CHCHD6: variants seen among roughly 807,000 people sequenced by gnomAD.
CHCHD6 encodes the protein coiled-coil-helix-coiled-coil-helix domain containing 6, also known as MICOS complex subunit MIC25.
Under a neutral mutation model 32.3 loss-of-function variants are expected in CHCHD6, and 28 were observed. The ratio of observed to expected loss-of-function variants is 0.87; its 90% CI spans 0.64 to 1.19. The LOEUF (loss-of-function observed/expected upper bound fraction) is 1.19, where lower values mean the gene tolerates loss of function less well. Ranked by LOEUF, CHCHD6 falls within the 50% of genes most tolerant of loss-of-function variation. The pLI, the probability that CHCHD6 is intolerant of heterozygous loss-of-function variation, is 0.00. For missense variants in CHCHD6, 333 were observed against 307.0 expected (o/e 1.08, Z -0.63); for synonymous variants, 122 against 117.5 (o/e 1.04, Z -0.25).
intron 4 of CHCHD6, among the ~76,000 whole-genome samples, chr3:126,769,836 G>A (rs1348045478): frequency 2.0e-5 from 3 of 152,138 alleles, no homozygotes; most frequent in Non-Finnish European, 4.4e-5. Flanking sequence ...AATTCAATAT[G>A]AATTTTAAAA....
At chr3:126,711,716 G>A (rs1024660673) in intron 1 of CHCHD6, among the ~76,000 whole-genome samples, 3 of 152,326 alleles carry the variant, frequency 2.0e-5, no homozygotes, top group East Asian at 3.9e-4. Flanking sequence ...GTTATAGATC[G>A]TCTCTGGTCT....
intron 4 of CHCHD6, among the ~76,000 whole-genome samples, chr3:126,778,653 G>A (rs980658489): frequency 6.6e-6 from 1 of 152,100 alleles, no homozygotes; most frequent in Non-Finnish European, 1.5e-5. Flanking sequence ...TTTTTGATAT[G>A]TTCTGGATAG....
At chr3:126,754,039 C>A (rs905980758) in intron 4 of CHCHD6, among the ~76,000 whole-genome samples, 1 of 152,196 alleles carries the variant, frequency 6.6e-6, no homozygotes, top group Non-Finnish European at 1.5e-5. Context: ...CATTGACATC[C>A]CTGTTACCCT....
intron 4 of CHCHD6, among the ~76,000 whole-genome samples, chr3:126,825,341 T>G (rs951258226): frequency 2.0e-5 from 3 of 152,234 alleles, no homozygotes; most frequent in African/African-American, 7.2e-5. Flanking sequence ...GTATATGCTC[T>G]GTTCTGGAAA....
At chr3:126,945,719 G>C (rs1261005902) in intron 6 of CHCHD6, among the ~76,000 whole-genome samples, 1 of 143,066 alleles carries the variant, frequency 7.0e-6, no homozygotes, top group East Asian at 2.1e-4. Flanking sequence ...GGGGAGACTC[G>C]AGTAGGGAGA....
chr3:126,828,817 C>T (rs1275675017), intron 4 of CHCHD6, among the ~76,000 whole-genome samples: 1 of 152,220 alleles, frequency 6.6e-6, no homozygotes, highest in Non-Finnish European at 1.5e-5. Context: ...CTATTTGTAC[C>T]ACTCGGTAAT....
intron 5 of CHCHD6, among the ~76,000 whole-genome samples, chr3:126,869,643 T>G (rs1362598320): frequency 6.6e-6 from 1 of 152,136 alleles, no homozygotes; most frequent in Non-Finnish European, 1.5e-5. Flanking sequence ...TCTAATTAAT[T>G]TTTAGGACTT....
intron 1 of CHCHD6, among the ~76,000 whole-genome samples, chr3:126,721,839 G>A (rs1193037114): frequency 2.6e-5 from 4 of 151,836 alleles, no homozygotes; most frequent in Non-Finnish European, 4.4e-5. Context: ...TGTGGAATAC[G>A]CCACACAGTG....
chr3:126,743,885 C>A (rs1239495601), intron 4 of CHCHD6, among the ~76,000 whole-genome samples: 1 of 152,208 alleles, frequency 6.6e-6, no homozygotes, highest in African/African-American at 2.4e-5. Flanking sequence ...GAACCTAATA[C>A]TGTAGGGAAA....
At chr3:126,838,714 C>A (rs1169932771) in intron 4 of CHCHD6, among the ~76,000 whole-genome samples, 1 of 152,096 alleles carries the variant, frequency 6.6e-6, no homozygotes, top group Non-Finnish European at 1.5e-5. Context: ...TCACAGCAAA[C>A]CCTTATGGCA....
chr3:126,706,721 G>C (rs1934504734), intron 1 of CHCHD6, among the ~76,000 whole-genome samples: 1 of 152,102 alleles, frequency 6.6e-6, no homozygotes, highest in African/African-American at 2.4e-5. Context: ...GGATGTTTTG[G>C]TGTAGAGGCT....
chr3:126,813,128 ATCTT>A, intron 4 of CHCHD6, among the ~76,000 whole-genome samples: 1 of 152,300 alleles, frequency 6.6e-6, no homozygotes, highest in South Asian at 2.1e-4. Context: ...AGGTCAATAA[ATCTT>A]AAAATTTTCA....
intron 4 of CHCHD6, among the ~76,000 whole-genome samples, chr3:126,842,189 G>C (rs1428652272): frequency 6.6e-6 from 1 of 152,170 alleles, no homozygotes; most frequent in Non-Finnish European, 1.5e-5. Flanking sequence ...AGGAGATCAA[G>C]GTCACGTCAC....
chr3:126,933,138 C>T (rs913071990), intron 6 of CHCHD6, among the ~76,000 whole-genome samples: 2 of 152,152 alleles, frequency 1.3e-5, no homozygotes, highest in African/African-American at 4.8e-5. Context: ...ATAGTTGGAC[C>T]ACAGAGTCTC....
At chr3:126,871,503 CCT>C (rs1357785666) in intron 5 of CHCHD6, among the ~76,000 whole-genome samples, 5 of 152,040 alleles carry the variant, frequency 3.3e-5, no homozygotes, top group Admixed American at 6.5e-5. Flanking sequence ...ATAGAAATCA[CCT>C]CTGTTCATCA....
rs1031316011 is a variant in CHCHD6 at position 126,746,106 on chromosome 3, T to C, written c.411+12884T>C. ...GGTATTGCTGAGGAGAGTAGAGGTA[T>C]GTGGCAAAGCCTTTTGCATGACACG... is the stretch of plus-strand genomic sequence containing the variant. On this transcript the variant is annotated intron_variant, in intron 4 of 7. Coordinates refer to ENST00000290913, the MANE Select transcript of CHCHD6 (RefSeq NM_032343.3). Among the ~76,000 whole-genome samples, 9 of 152,176 alleles carry C rather than the reference T, an allele frequency of 5.9e-5. 1 individual carries two copies. The South Asian group carries it at 6.2e-4, about 11-fold the overall frequency.
chr3:126,865,118 TTCC>T lies in CHCHD6; in HGVS notation c.495+12404_495+12406del, dbSNP rs1313207230. ...CCTCCTCCACCACCACCTCCACTTC[TTCC>T]TCCTCCTCCTCCTCCACCACCACCT... On this transcript the variant is annotated intron_variant, in intron 5 of 7. Transcript: ENST00000290913. Among the ~76,000 whole-genome samples the T allele has an allele frequency of 7.7e-3, 629 of 81,684 alleles. 4 individuals are homozygous for T. The highest frequency in any genetic ancestry group is 0.025 in the African/African-American group (452 of 17,830). The allele number at this position is 81,684 out of a possible 152,430, so 53.6% of individuals were successfully genotyped here. A position where few individuals can be genotyped will look rare whatever the true frequency, so the allele number is the denominator to read the frequency against.
chr3:126,890,478 CTG>C (rs1442841211), intron 5 of CHCHD6, among the ~76,000 whole-genome samples: 1 of 152,136 alleles, frequency 6.6e-6, no homozygotes, highest in Non-Finnish European at 1.5e-5. Context: ...ACTGATGGAA[CTG>C]TGCCTGTACA....
chr3:126,951,070 G>C (rs1395108912), intron 6 of CHCHD6, among the ~76,000 whole-genome samples: 9 of 152,192 alleles, frequency 5.9e-5, no homozygotes, highest in African/African-American at 2.2e-4. Flanking sequence ...ACGTGTCAAG[G>C]AAGGAAGGTA....
Sources: gnomAD v4.1 joint callset for allele counts (sites outside exome capture counted in the v4.1 genomes callset) on GRCh38, gnomAD v4.1.1 for gene constraint, MANE v1.5 for transcripts, NCBI Gene and HGNC (gene_info 2026-07-23, HGNC 2026-07-21) for gene names.